Variants in HPSE2 observed in about 807,000 individuals in gnomAD.
HPSE2 encodes the protein inactive heparanase-2.
A neutral mutation model predicts 60.5 loss-of-function variants in HPSE2; 38 were observed. That is an observed-to-expected ratio of 0.63 (90% confidence interval 0.48 to 0.82). HPSE2 has a LOEUF of 0.82. Among genes scored for constraint, HPSE2 ranks in the 40% least tolerant of loss-of-function variants. The probability of loss-of-function intolerance (pLI) is 0.00; values close to 1 mark genes in which losing one functional copy is unlikely to be tolerated. For missense variants in HPSE2, 713 were observed against 740.4 expected, an observed-to-expected ratio of 0.96 and a Z score of 0.43; for synonymous variants, 295 against 293.2, an observed-to-expected ratio of 1.01 and a Z score of -0.06.
At chr10:99,173,146 A>G (rs944887310) in intron 2 of HPSE2, among the ~76,000 whole-genome samples, 2 of 152,228 alleles carry the variant, frequency 1.3e-5, no homozygotes, top group Middle Eastern at 6.8e-3. Flanking sequence ...TTGTGGTTTG[A>G]GCTTTATACT....
chr10:98,580,824 T>TTTTATATATATATATA (rs1554945259), intron 9 of HPSE2, among the ~76,000 whole-genome samples: 6 of 128,560 alleles, frequency 4.7e-5, no homozygotes, highest in Admixed American at 1.6e-4. Context: ...GTGCTTGGTT[T>TTTTATATATATATATA]TATATATATA....
chr10:98,468,062 C>A (rs1399107361), intron 11 of HPSE2, among the ~76,000 whole-genome samples: 2 of 152,266 alleles, frequency 1.3e-5, no homozygotes, highest in African/African-American at 4.8e-5. Context: ...GGCTCCCGGC[C>A]CCCTCGCTGA....
At chr10:99,048,428 G>A (rs1957910555) in intron 3 of HPSE2, 1 of 229,516 alleles carries the variant, frequency 4.4e-6, no homozygotes, top group African/African-American at 2.4e-5. Flanking sequence ...GACATTAACA[G>A]ACACTTCTCA....
chr10:98,974,396 T>C (rs1016624466), intron 3 of HPSE2, among the ~76,000 whole-genome samples: 2 of 152,178 alleles, frequency 1.3e-5, no homozygotes, highest in Non-Finnish European at 1.5e-5. Flanking sequence ...AGTGCAGTGG[T>C]TGGGACTACA....
At chr10:98,853,918 G>A (rs150635576) in intron 3 of HPSE2, among the ~76,000 whole-genome samples, 1 of 152,234 alleles carries the variant, frequency 6.6e-6, no homozygotes, top group African/African-American at 2.4e-5. Flanking sequence ...ACAAGTGAAA[G>A]GGAACATTAT....
intron 3 of HPSE2, among the ~76,000 whole-genome samples, chr10:98,999,726 G>C (rs1031769304): frequency 6.6e-6 from 1 of 152,196 alleles, no homozygotes; most frequent in East Asian, 1.9e-4. Flanking sequence ...AGTGGGCAAC[G>C]AGGAAGCTTG....
intron 9 of HPSE2, among the ~76,000 whole-genome samples, chr10:98,603,056 C>T (rs910371637): frequency 1.3e-5 from 2 of 152,154 alleles, no homozygotes; most frequent in Non-Finnish European, 1.5e-5. Context: ...TTAGAAGTCA[C>T]CATTCCTTCT....
At chr10:99,245,566 A>T in the HPSE2 span, among the ~76,000 whole-genome samples, 3 of 152,234 alleles carry the variant, frequency 2.0e-5, no homozygotes, top group Non-Finnish European at 4.4e-5. Context: ...CAAACTGATC[A>T]TTCTTTCATT....
intron 3 of HPSE2, among the ~76,000 whole-genome samples, chr10:98,827,025 C>T (rs1951565043): frequency 1.3e-5 from 2 of 151,928 alleles, no homozygotes; most frequent in South Asian, 4.2e-4. Flanking sequence ...GTGGTATATG[C>T]CTGTATTCTC....
chr10:98,760,596 A>G (rs889726586), intron 3 of HPSE2, among the ~76,000 whole-genome samples: 1 of 152,104 alleles, frequency 6.6e-6, no homozygotes, highest in Admixed American at 6.6e-5. Context: ...ATGGTATATC[A>G]CATTTAGTGA....
intron 3 of HPSE2, among the ~76,000 whole-genome samples, chr10:98,918,062 T>C (rs189501601): frequency 2.6e-5 from 4 of 152,312 alleles, no homozygotes; most frequent in Admixed American, 2.6e-4. Context: ...ACATAAAATG[T>C]GTTGACCCAG....
At chr10:99,049,331 A>G (rs1468462583) in intron 3 of HPSE2, among the ~76,000 whole-genome samples, 2 of 152,210 alleles carry the variant, frequency 1.3e-5, no homozygotes, top group Non-Finnish European at 2.9e-5. Flanking sequence ...AAATAAGCAA[A>G]GAGAAAGGGA....
chr10:98,627,214 TG>T (rs2134001832), intron 7 of HPSE2, among the ~76,000 whole-genome samples: 1 of 152,302 alleles, frequency 6.6e-6, no homozygotes, highest in South Asian at 2.1e-4. Context: ...AAGTTACGCC[TG>T]TAGCCCTACT....
intron 3 of HPSE2, among the ~76,000 whole-genome samples, chr10:98,833,302 G>C (rs903430710): frequency 6.6e-6 from 1 of 152,080 alleles, no homozygotes; most frequent in Admixed American, 6.6e-5. Flanking sequence ...AATCCAAGGT[G>C]AATCCAAAAA....
intron 3 of HPSE2, among the ~76,000 whole-genome samples, chr10:98,901,066 C>T (rs147478833): frequency 1.2e-4 from 19 of 152,152 alleles, no homozygotes; most frequent in African/African-American, 4.6e-4. Context: ...ATGAATGAAT[C>T]TCAGAGTTAC....
At chr10:98,899,900 C>T (rs1195211896) in intron 3 of HPSE2, among the ~76,000 whole-genome samples, 1 of 151,916 alleles carries the variant, frequency 6.6e-6, no homozygotes, top group African/African-American at 2.4e-5. Context: ...TCTCATGCCT[C>T]AGCTTCCCGA....
chr10:99,048,028 T>G, intron 3 of HPSE2: 2 of 688,502 alleles, frequency 2.9e-6, no homozygotes, highest in East Asian at 2.6e-5. Flanking sequence ...AGGCTGCAAT[T>G]AATATGCTGT....
chr10:98,956,237 G>A (rs939610741), intron 3 of HPSE2, among the ~76,000 whole-genome samples: 1 of 152,050 alleles, frequency 6.6e-6, no homozygotes, highest in African/African-American at 2.4e-5. Flanking sequence ...TATATTTAAA[G>A]CAGGAAGGAC....
chr10:98,789,443 G>A (rs1285078487), intron 3 of HPSE2, among the ~76,000 whole-genome samples: 1 of 152,222 alleles, frequency 6.6e-6, no homozygotes, highest in Non-Finnish European at 1.5e-5. Flanking sequence ...AACTTTGAAA[G>A]GAAGCAGACT....
Sources: allele counts gnomAD v4.1 joint callset (sites outside exome capture counted in the v4.1 genomes callset), GRCh38; gene constraint gnomAD v4.1.1; transcripts MANE v1.5; gene names NCBI Gene and HGNC (gene_info 2026-07-23, HGNC 2026-07-21).